KLHL32: variants seen among roughly 807,000 people sequenced by gnomAD.
The protein encoded by KLHL32 is kelch like family member 32.
In KLHL32, 35 loss-of-function variants were observed where a neutral mutation model predicts 64.8. The ratio of observed to expected loss-of-function variants is 0.54; its 90% CI spans 0.41 to 0.72. The LOEUF is 0.72. Among genes scored for constraint, KLHL32 ranks in the 30% least tolerant of loss-of-function variants. The probability of loss-of-function intolerance (pLI) is 0.00; values close to 1 mark genes in which losing one functional copy is unlikely to be tolerated. For missense variants in KLHL32, 589 were observed against 768.5 expected (o/e 0.77, Z 2.76); for synonymous variants, 259 against 281.0 (o/e 0.92, Z 0.78).
At chr6:97,064,593 A>G in intron 4 of KLHL32, 35 bp from the exon 5 acceptor site, 1 of 1,484,698 alleles carries the variant, frequency 6.7e-7, no homozygotes, top group Non-Finnish European at 9.4e-7. Flanking sequence ...TTTAAGTGTA[A>G]CTGATAGTTT....
the KLHL32 span, among the ~76,000 whole-genome samples, chr6:96,900,383 T>TA: frequency 3.1e-3 from 474 of 152,322 alleles, 2 homozygotes; most frequent in Middle Eastern, 0.02. Context: ...ATGAAAGTGA[T>TA]AAAAAAATTT....
At chr6:96,991,111 T>C (rs1036410277) in intron 3 of KLHL32, among the ~76,000 whole-genome samples, 9 of 151,978 alleles carry the variant, frequency 5.9e-5, no homozygotes, top group Non-Finnish European at 1.2e-4. Context: ...ATGGCGGTTT[T>C]GGTGCTGGGA....
chr6:96,912,475 C>T, the KLHL32 span, among the ~76,000 whole-genome samples: 1 of 152,126 alleles, frequency 6.6e-6, no homozygotes, highest in Non-Finnish European at 1.5e-5. Context: ...GCTCCCTTTA[C>T]TGGAATACTC....
rs752610204 is a variant in KLHL32 at position 96,976,002 on chromosome 6, A to C, written c.29A>C (p.Gln10Pro). MPSERCLSI[Q>P]EMLTGQRLCH... ...TTGATTGCTCTCCTTTGTAGTATTC[A>C]AGAAATGCTGACAGGCCAGAGGCTC... The change falls in exon 3 of 11, where the codon CAA becomes CCA. Residue 10 changes from glutamine (Q) to proline (P), a missense_variant. This residue lies in a region of KLHL32 where 191 missense variants were observed against 223.3 expected (regional missense o/e 0.86). Coordinates refer to ENST00000369261, the MANE Select transcript of KLHL32 (RefSeq NM_052904.4). The C allele has an allele frequency of 2.5e-6, 4 of 1,571,956 alleles. No individual in the cohort carries two copies. Among genetic ancestry groups the C allele is most frequent in the Non-Finnish European group, 3.5e-6 (4 of 1,152,488 alleles).
At chr6:96,906,079 A>T in the KLHL32 span, among the ~76,000 whole-genome samples, 1 of 152,156 alleles carries the variant, frequency 6.6e-6, no homozygotes, top group Non-Finnish European at 1.5e-5. Flanking sequence ...ACCCCTAAGC[A>T]TCAGTGCACA....
intron 2 of KLHL32, among the ~76,000 whole-genome samples, chr6:96,971,202 A>G (rs1775066512): frequency 6.6e-6 from 1 of 152,226 alleles, no homozygotes. Context: ...AAACACTGAC[A>G]TAGAAATTGA....
chr6:96,911,671 T>A, the KLHL32 span, among the ~76,000 whole-genome samples: 1 of 152,158 alleles, frequency 6.6e-6, no homozygotes, highest in Non-Finnish European at 1.5e-5. Context: ...TTAAAGAAAG[T>A]ACTGCAAAGC....
chr6:97,084,225 G>T (rs1582970314), intron 5 of KLHL32, among the ~76,000 whole-genome samples: 2 of 152,156 alleles, frequency 1.3e-5, no homozygotes, highest in Admixed American at 1.3e-4. Flanking sequence ...ATTAATAATT[G>T]TAAGTTAAAA....
intron 1 of KLHL32, among the ~76,000 whole-genome samples, chr6:96,964,284 GAGA>G (rs993164403): frequency 3.3e-5 from 5 of 152,188 alleles, no homozygotes; most frequent in Non-Finnish European, 7.3e-5. Flanking sequence ...TGGGAAGAGG[GAGA>G]AGAAGTGTCT....
intron 3 of KLHL32, among the ~76,000 whole-genome samples, chr6:97,039,606 G>A (rs893789046): frequency 6.0e-5 from 7 of 116,564 alleles, no homozygotes; most frequent in Non-Finnish European, 1.3e-4. Context: ...CGGATCACAA[G>A]GTCAGGAGTT....
At chr6:96,924,239 A>C (rs998860622), upstream of KLHL32, among the ~76,000 whole-genome samples, 11 of 152,300 alleles carry the variant, frequency 7.2e-5, no homozygotes, top group Non-Finnish European at 1.5e-4. Context: ...TCCCTGGAAC[A>C]CCGAGTTAGG....
chr6:97,114,660 A>G (rs995989104), intron 7 of KLHL32, 151 bp downstream of exon 7: 2 of 826,172 alleles, frequency 2.4e-6, no homozygotes, highest in Middle Eastern at 3.5e-4. Flanking sequence ...TTGAGCACCT[A>G]CTCTAGAGAG....
At chr6:97,002,603 A>G (rs946750098) in intron 3 of KLHL32, among the ~76,000 whole-genome samples, 5 of 152,172 alleles carry the variant, frequency 3.3e-5, no homozygotes, top group South Asian at 2.1e-4. Flanking sequence ...CTATAGGTGT[A>G]TTTTTATCCT....
chr6:97,041,398 T>G lies in KLHL32; in HGVS notation c.205-94T>G, dbSNP rs1012953220. The G allele has an allele frequency of 3.9e-6, 3 of 760,088 alleles. No homozygotes were observed. The African/African-American group carries it at 5.3e-5, about 13-fold the overall frequency. 47.1% of individuals were successfully genotyped at this position (760,088 alleles called of 1,614,324 possible). A position where few individuals can be genotyped will look rare whatever the true frequency, so the allele number is the denominator to read the frequency against. ...AAAATCAAAATCAATTATTAATTTG[T>G]AAAACTTTTTTTTCCCCTAGTCTCT... On this transcript the variant is annotated intron_variant, in intron 3 of 10. Coordinates refer to ENST00000369261, the MANE Select transcript of KLHL32 (RefSeq NM_052904.4).
intron 1 of KLHL32, among the ~76,000 whole-genome samples, chr6:96,930,193 T>A (rs115441481): frequency 1.6e-3 from 250 of 152,282 alleles, no homozygotes; most frequent in African/African-American, 5.9e-3. Flanking sequence ...AATAGAGCAG[T>A]GGAGGAGGCA....
chr6:97,071,364 G>T (rs148580208), intron 5 of KLHL32, among the ~76,000 whole-genome samples: 1 of 152,122 alleles, frequency 6.6e-6, no homozygotes, highest in African/African-American at 2.4e-5. Context: ...CTTTCTCGGG[G>T]CTCTCTCCTA....
rs1206176 is a variant in KLHL32, at chr6:97,139,651, T to A, written c.*369T>A. 0.55 allele frequency: 87,348 copies of A among 159,924 alleles called. 25,183 individuals are homozygous for A. Among genetic ancestry groups the A allele is most frequent in the African/African-American group, 0.73 (30,236 of 41,482 alleles). The allele number at this position is 159,924 out of a possible 1,614,324, so 9.9% of individuals were successfully genotyped here. ...ACAATGGCATCGATGATCTTAAAAA[T>A]ATATATATTCTGTACTTAATCCCTT... is the stretch of plus-strand genomic sequence containing the variant. On this transcript the variant is annotated 3_prime_UTR_variant, in exon 11 of 11. Transcript: ENST00000369261.
intron 2 of KLHL32, among the ~76,000 whole-genome samples, chr6:96,967,423 G>GTATA (rs1361139640): frequency 2.0e-5 from 3 of 151,552 alleles, no homozygotes; most frequent in African/African-American, 7.3e-5. Context: ...ATATGTGTGT[G>GTATA]TGTATATATA....
At chr6:97,049,815 GAAAC>G in intron 4 of KLHL32, among the ~76,000 whole-genome samples, 1 of 152,172 alleles carries the variant, frequency 6.6e-6, no homozygotes, top group East Asian at 1.9e-4. Flanking sequence ...GTGCATTATT[GAAAC>G]AAACAAGCAG....
Sources: allele counts gnomAD v4.1 joint callset (sites outside exome capture counted in the v4.1 genomes callset), GRCh38; gene constraint gnomAD v4.1.1; regional missense constraint gnomAD v4.1.1; transcripts MANE v1.5; gene names NCBI Gene and HGNC (gene_info 2026-07-23, HGNC 2026-07-21).